TMEM178B: variants seen among roughly 807,000 people sequenced by gnomAD.
TMEM178B encodes transmembrane protein 178B.
Under a neutral mutation model 31.0 loss-of-function variants are expected in TMEM178B, and 5 were observed. That is an observed-to-expected ratio of 0.16 (90% CI 0.08 to 0.34). The LOEUF (loss-of-function observed/expected upper bound fraction) is 0.34. Among genes scored for constraint, TMEM178B ranks in the 10% least tolerant of loss-of-function variants. TMEM178B has a pLI of 1.00. For synonymous variants in TMEM178B, 164 were observed against 164.0 expected, an observed-to-expected ratio of 1.00 and a Z score of 0.00; for missense variants, 275 against 400.3, an observed-to-expected ratio of 0.69 and a Z score of 2.67.
chr7:141,213,068 T>G (rs188077428), intron 2 of TMEM178B, among the ~76,000 whole-genome samples: 176 of 152,342 alleles, frequency 1.2e-3, no homozygotes, highest in African/African-American at 4.1e-3. Context: ...GCTTGGAATA[T>G]TATTGTGGTA....
At chr7:141,333,149 C>A (rs1314723766) in intron 2 of TMEM178B, among the ~76,000 whole-genome samples, 3 of 152,216 alleles carry the variant, frequency 2.0e-5, no homozygotes, top group Non-Finnish European at 4.4e-5. Context: ...AAATAGCCAG[C>A]TCTCAAATTC....
intron 1 of TMEM178B, among the ~76,000 whole-genome samples, chr7:141,115,035 TTGTG>T (rs141595860): frequency 4.7e-5 from 7 of 148,626 alleles, no homozygotes; most frequent in South Asian, 2.1e-4. Context: ...TCTGTGGGAT[TTGTG>T]TGTGTGTGTG....
intron 2 of TMEM178B, among the ~76,000 whole-genome samples, chr7:141,405,021 C>CCT: frequency 6.6e-6 from 1 of 152,256 alleles, no homozygotes. Context: ...TAGGCCCTAC[C>CCT]CTCTCTCTCT....
intron 1 of TMEM178B, among the ~76,000 whole-genome samples, chr7:141,198,827 G>A (rs1046688780): frequency 3.3e-5 from 5 of 152,272 alleles, no homozygotes; most frequent in Non-Finnish European, 1.5e-5. Flanking sequence ...TGTACCTGGA[G>A]GAGCTGCGCC....
intron 3 of TMEM178B, among the ~76,000 whole-genome samples, chr7:141,456,705 T>A (rs1447240197): frequency 6.6e-6 from 1 of 152,216 alleles, no homozygotes; most frequent in Non-Finnish European, 1.5e-5. Flanking sequence ...AAGGTTTCCC[T>A]CTGCCCTACA....
At chr7:141,503,112 A>G in the TMEM178B span, among the ~76,000 whole-genome samples, 1 of 152,226 alleles carries the variant, frequency 6.6e-6, no homozygotes, top group East Asian at 1.9e-4. Flanking sequence ...AAATGGAAGG[A>G]ACATGAACTG....
chr7:141,376,761 C>T (rs891584563), intron 2 of TMEM178B, among the ~76,000 whole-genome samples: 1 of 152,154 alleles, frequency 6.6e-6, no homozygotes, highest in Non-Finnish European at 1.5e-5. Flanking sequence ...TGCAGGACTA[C>T]TGGCTTGGTG....
At chr7:141,339,197 C>A (rs1441808449) in intron 2 of TMEM178B, among the ~76,000 whole-genome samples, 1 of 152,190 alleles carries the variant, frequency 6.6e-6, no homozygotes, top group Admixed American at 6.5e-5. Context: ...TTTCTTGTCC[C>A]TGAGGAGTGG....
chr7:141,124,717 T>G (rs1052373810), intron 1 of TMEM178B, among the ~76,000 whole-genome samples: 1 of 152,248 alleles, frequency 6.6e-6, no homozygotes, highest in Non-Finnish European at 1.5e-5. Context: ...ACATATGGTA[T>G]TCTAAGCATG....
intron 2 of TMEM178B, among the ~76,000 whole-genome samples, chr7:141,347,769 A>T (rs1799645366): frequency 6.8e-6 from 1 of 146,844 alleles, no homozygotes; most frequent in African/African-American, 2.5e-5. Flanking sequence ...TGTCCTCCTC[A>T]CCTCACTTTA....
chr7:141,323,716 A>G (rs184945650), intron 2 of TMEM178B, among the ~76,000 whole-genome samples: 7 of 152,338 alleles, frequency 4.6e-5, no homozygotes, highest in African/African-American at 1.7e-4. Context: ...TTCATGAACA[A>G]GAGACAAAAA....
chr7:141,158,244 C>T (rs1003009725), intron 1 of TMEM178B, among the ~76,000 whole-genome samples: 2 of 152,152 alleles, frequency 1.3e-5, no homozygotes, highest in East Asian at 3.9e-4. Context: ...TACAGCCATG[C>T]ACCACCATGC....
At chr7:141,107,693 T>C (rs1325772214) in intron 1 of TMEM178B, among the ~76,000 whole-genome samples, 1 of 152,206 alleles carries the variant, frequency 6.6e-6, no homozygotes, top group East Asian at 1.9e-4. Context: ...ATGTCTGTTA[T>C]ACATCAGAGA....
chr7:141,101,414 C>A (rs1175418443), intron 1 of TMEM178B, among the ~76,000 whole-genome samples: 1 of 152,230 alleles, frequency 6.6e-6, no homozygotes, highest in Non-Finnish European at 1.5e-5. Context: ...CAGCAACAAA[C>A]CTCACCAGTG....
Position 141,229,125 on chromosome 7 carries a change from G to GTGTC in TMEM178B, c.496+16424_496+16425insCTGT, listed in dbSNP as rs1554465477. ...GGTGTGTGTGTGTGTGTGTGTGTGT[G>GTGTC]TGTGTGAAACTTTTTTTTCATGGGT... On this transcript the variant is annotated intron_variant, in intron 2 of 3. Coordinates refer to ENST00000565468, the MANE Select transcript of TMEM178B (RefSeq NM_001195278.2). Among the ~76,000 whole-genome samples, 7 of 147,356 alleles carry GTGTC rather than the reference G, an allele frequency of 4.8e-5. No homozygotes were observed. In the East Asian group the frequency reaches 6.0e-4, roughly 13 times the overall value.
chr7:141,431,941 T>C (rs1209732851), intron 2 of TMEM178B, among the ~76,000 whole-genome samples: 1 of 152,146 alleles, frequency 6.6e-6, no homozygotes, highest in Non-Finnish European at 1.5e-5. Context: ...AGGCCTTTCC[T>C]TGGGCAGAGA....
intron 1 of TMEM178B, among the ~76,000 whole-genome samples, chr7:141,120,466 A>G (rs956563057): frequency 7.2e-5 from 11 of 152,234 alleles, no homozygotes; most frequent in East Asian, 3.8e-4. Flanking sequence ...TTCAGAATAT[A>G]TATTAATAGG....
intron 2 of TMEM178B, among the ~76,000 whole-genome samples, chr7:141,337,137 C>G (rs1205437653): frequency 2.1e-5 from 1 of 48,420 alleles, no homozygotes; most frequent in Non-Finnish European, 3.6e-5. Context: ...ATCACCACCA[C>G]CACCATCATC....
intron 2 of TMEM178B, among the ~76,000 whole-genome samples, chr7:141,331,375 G>A (rs1563153628): frequency 2.6e-5 from 4 of 152,178 alleles, no homozygotes; most frequent in African/African-American, 7.2e-5. Context: ...TCTGTGAGTT[G>A]TTGGAAAACC....
Sources: gnomAD v4.1 joint callset for allele counts (sites outside exome capture counted in the v4.1 genomes callset) on GRCh38, gnomAD v4.1.1 for gene constraint, MANE v1.5 for transcripts, NCBI Gene and HGNC (gene_info 2026-07-23, HGNC 2026-07-21) for gene names.